ADGRD1: variants seen among roughly 807,000 people sequenced by gnomAD.
ADGRD1 encodes the protein G-protein coupled receptor 133.
A neutral mutation model predicts 113.4 loss-of-function variants in ADGRD1; 77 were observed. The ratio of observed to expected loss-of-function variants is 0.68; its 90% CI spans 0.57 to 0.82. ADGRD1 has a LOEUF of 0.82. ADGRD1 is among the 40% of genes least tolerant of loss of function. ADGRD1 has a pLI of 0.00. For missense variants in ADGRD1, 1,036 were observed against 1,139.1 expected (o/e 0.91, Z 1.30); for synonymous variants, 474 against 475.0 (o/e 1.00, Z 0.03).
intron 13 of ADGRD1, among the ~76,000 whole-genome samples, chr12:131,030,322 G>A (rs1309931521): frequency 1.3e-5 from 2 of 152,224 alleles, no homozygotes; most frequent in Non-Finnish European, 2.9e-5. Context: ...TGGGGATTGT[G>A]TTTTGTCAGC....
In ADGRD1 at chr12:130,987,090, T is replaced by C. The variant is rs1264394826; in HGVS notation, c.491-5T>C. 1 of 1,613,532 alleles carries C rather than the reference T, an allele frequency of 6.2e-7. No individual in the cohort carries two copies. The highest frequency in any genetic ancestry group is 8.5e-7 in the Non-Finnish European group (1 of 1,179,488). ...CTCAGAATGGCGATCTTCACTCTTT[T>C]CCAGGCCCCTATTGGACTCATGTCC... On this transcript the variant is annotated splice_polypyrimidine_tract_variant and splice_region_variant and intron_variant, in intron 5 of 24. Transcript: ENST00000261654.
chr12:131,120,666 A>G (rs1024733667), intron 19 of ADGRD1, 181 bp from the exon 20 acceptor site: 21 of 673,384 alleles, frequency 3.1e-5, no homozygotes, highest in Non-Finnish European at 4.8e-5. Context: ...ATCCTTTCCA[A>G]GAATGAGACG....
chr12:131,096,192 A>G lies in ADGRD1; in HGVS notation c.1672-8639A>G, dbSNP rs946554981. Among the ~76,000 whole-genome samples the G allele has an allele frequency of 1.3e-5, 2 of 152,138 alleles. No homozygotes were observed. The highest frequency in any genetic ancestry group is 2.9e-5 in the Non-Finnish European group (2 of 68,022). On this transcript the variant is annotated intron_variant, in intron 15 of 24. Transcript: ENST00000261654. The surrounding 1 kb of genome is among the most constrained non-coding windows in gnomAD (Gnocchi z 5.2). Reference sequence around the variant, plus strand: ...ATTTTCTGTACCTCAATGGATGCAAACCTTCCTTTAAACAAAGGGTAGTGA... The same window carrying G: ...ATTTTCTGTACCTCAATGGATGCAAGCCTTCCTTTAAACAAAGGGTAGTGA...
At chr12:131,044,100 A>G (rs1179381016) in intron 13 of ADGRD1, among the ~76,000 whole-genome samples, 7 of 152,188 alleles carry the variant, frequency 4.6e-5, no homozygotes, top group Non-Finnish European at 8.8e-5. Context: ...TTGGGTTTCC[A>G]TAGAGTGAAC....
At chr12:130,995,537 A>G (rs975026638) in intron 8 of ADGRD1, among the ~76,000 whole-genome samples, 6 of 152,210 alleles carry the variant, frequency 3.9e-5, no homozygotes, top group African/African-American at 1.4e-4. Flanking sequence ...GGCCAGACAG[A>G]GCAACAGTGG....
intron 12 of ADGRD1, 22 bp downstream of exon 12, chr12:131,006,069 C>T (rs1432668933): frequency 6.2e-7 from 1 of 1,606,108 alleles, no homozygotes; most frequent in African/African-American, 1.3e-5. Flanking sequence ...GGGTGCTCAG[C>T]TCAGGGGCGT....
At chr12:130,997,671 T>C (rs1175468116) in intron 8 of ADGRD1, among the ~76,000 whole-genome samples, 3 of 138,408 alleles carry the variant, frequency 2.2e-5, no homozygotes, top group African/African-American at 8.4e-5. Flanking sequence ...GCGCTCCTCA[T>C]TTCCTAGACG....
At chr12:131,118,483 G>A in intron 19 of ADGRD1, 32 bp downstream of exon 19, 1 of 1,536,254 alleles carries the variant, frequency 6.5e-7, no homozygotes, top group South Asian at 1.2e-5. Context: ...GCTTTTGGCA[G>A]GCGTTCCATG....
intron 4 of ADGRD1, among the ~76,000 whole-genome samples, chr12:130,974,706 C>T (rs575412590): frequency 3.3e-5 from 5 of 152,282 alleles, no homozygotes; most frequent in African/African-American, 7.2e-5. Flanking sequence ...ATATTTTCAG[C>T]GATTTTTTAA....
chr12:131,038,057 G>A (rs189031629), intron 13 of ADGRD1, among the ~76,000 whole-genome samples: 12 of 151,974 alleles, frequency 7.9e-5, no homozygotes, highest in East Asian at 5.8e-4. Context: ...TCACTGCACC[G>A]GGTCTCACTC....
intron 8 of ADGRD1, among the ~76,000 whole-genome samples, chr12:130,998,941 T>A (rs1875978781): frequency 6.6e-6 from 1 of 152,242 alleles, no homozygotes; most frequent in Non-Finnish European, 1.5e-5. Flanking sequence ...TCTAAAACTT[T>A]GTGCAAAGAA....
chr12:131,114,756 C>T (rs1028741880), intron 18 of ADGRD1, among the ~76,000 whole-genome samples: 39 of 152,002 alleles, frequency 2.6e-4, no homozygotes, highest in African/African-American at 9.4e-4. Context: ...AAATCCACAC[C>T]TTACCTTAAG....
chr12:131,091,337 G>A (rs1289085944), intron 15 of ADGRD1, among the ~76,000 whole-genome samples: 2 of 152,208 alleles, frequency 1.3e-5, no homozygotes. Flanking sequence ...ATTATTTATA[G>A]TAGAAATAAC....
At chr12:131,101,320 TG>T (rs1260158981) in intron 15 of ADGRD1, among the ~76,000 whole-genome samples, 2 of 151,800 alleles carry the variant, frequency 1.3e-5, no homozygotes, top group African/African-American at 2.4e-5. Flanking sequence ...TTACTAGCAG[TG>T]TTTCCACTGA....
chr12:130,975,522 A>G (rs767553289), intron 4 of ADGRD1, among the ~76,000 whole-genome samples: 1 of 152,234 alleles, frequency 6.6e-6, no homozygotes, highest in Non-Finnish European at 1.5e-5. Flanking sequence ...CCTATAGTCA[A>G]TACTGACTGG....
At chr12:131,101,327 A>G (rs1166860200) in intron 15 of ADGRD1, among the ~76,000 whole-genome samples, 1 of 138,492 alleles carries the variant, frequency 7.2e-6, no homozygotes, top group Non-Finnish European at 1.6e-5. Context: ...CAGTGTTTCC[A>G]CTGATTTTTC....
intron 13 of ADGRD1, among the ~76,000 whole-genome samples, chr12:131,021,152 T>C (rs1879266873): frequency 6.6e-6 from 1 of 152,242 alleles, no homozygotes; most frequent in Admixed American, 6.5e-5. Context: ...AGATCATTCA[T>C]CCGTCTTCCC....
intron 20 of ADGRD1, among the ~76,000 whole-genome samples, chr12:131,126,310 G>T (rs959253972): frequency 6.6e-6 from 1 of 152,048 alleles, no homozygotes; most frequent in Non-Finnish European, 1.5e-5. Flanking sequence ...TTGCTTTTCC[G>T]ACTTCTGCTA....
At chr12:130,996,741 TG>T (rs2136687639) in intron 8 of ADGRD1, among the ~76,000 whole-genome samples, 1 of 89,508 alleles carries the variant, frequency 1.1e-5, no homozygotes, top group Non-Finnish European at 2.4e-5. Context: ...ACGGGGTGGC[TG>T]GCCGGGCAGA....
Sources: gnomAD v4.1 joint callset for allele counts (sites outside exome capture counted in the v4.1 genomes callset) on GRCh38, gnomAD v4.1.1 for gene constraint, Gnocchi (gnomAD v3.1) non-coding constraint, MANE v1.5 for transcripts, NCBI Gene and HGNC (gene_info 2026-07-23, HGNC 2026-07-21) for gene names.